The following KLF12 variants were observed in gnomAD, a reference collection of about 807,000 sequenced individuals.
KLF12 encodes the protein Krueppel-like factor 12.
A neutral mutation model predicts 37.8 loss-of-function variants in KLF12; 9 were observed. The ratio of observed to expected loss-of-function variants is 0.24; its 90% CI spans 0.14 to 0.42. The LOEUF (loss-of-function observed/expected upper bound fraction) is 0.42. Ranked by LOEUF, KLF12 falls within the 10% of genes least tolerant of loss-of-function variation. The pLI is 1.00. For missense variants in KLF12, 411 were observed against 516.0 expected, an observed-to-expected ratio of 0.80 and a Z score of 1.97; for synonymous variants, 208 against 202.1, an observed-to-expected ratio of 1.03 and a Z score of -0.25.
chr13:73,788,454 T>C (rs955104579), intron 5 of KLF12, among the ~76,000 whole-genome samples: 4 of 152,160 alleles, frequency 2.6e-5, no homozygotes, highest in African/African-American at 9.7e-5. Flanking sequence ...TAAATATACC[T>C]ACCTCTCAAA....
chr13:74,068,992 T>C (rs1167237630), intron 1 of KLF12, among the ~76,000 whole-genome samples: 1 of 152,226 alleles, frequency 6.6e-6, no homozygotes, highest in Non-Finnish European at 1.5e-5. Context: ...TCATGTCTTC[T>C]ATGTGCCAGG....
rs138561786 is a variant in KLF12 at position 73,912,759 on chromosome 13, G to A, written c.123+31222C>T. 9.6e-4 allele frequency among the ~76,000 whole-genome samples: 146 copies of A among 152,260 alleles called. 1 individual carries two copies. The East Asian group carries it at 0.024, about 25-fold the overall frequency. Reference sequence around the variant, plus strand: ...GCAGCTCTTAGGAAGCTTATACATAGGCTAACTCACACACCAGAGTTCTTT... The same window carrying A: ...GCAGCTCTTAGGAAGCTTATACATAAGCTAACTCACACACCAGAGTTCTTT... On this transcript the variant is annotated intron_variant, in intron 3 of 7. Transcript: ENST00000377669.
chr13:73,974,312 A>C (rs1007015128), intron 2 of KLF12, among the ~76,000 whole-genome samples: 4 of 151,236 alleles, frequency 2.6e-5, no homozygotes, highest in African/African-American at 9.7e-5. Flanking sequence ...CTTCAAGACA[A>C]AAAAAAAAGA....
At chr13:73,782,988 C>A (rs1167322065) in intron 5 of KLF12, among the ~76,000 whole-genome samples, 1 of 152,178 alleles carries the variant, frequency 6.6e-6, no homozygotes, top group Non-Finnish European at 1.5e-5. Context: ...CCTTGAAATT[C>A]CCATCCTCTT....
At chr13:73,948,708 CA>C (rs1438686571) in intron 2 of KLF12, among the ~76,000 whole-genome samples, 1 of 152,182 alleles carries the variant, frequency 6.6e-6, no homozygotes, top group Non-Finnish European at 1.5e-5. Context: ...CCAATAACAG[CA>C]ATTTTTTTCA....
chr13:73,729,287 G>A (rs1876886730), intron 6 of KLF12, among the ~76,000 whole-genome samples: 1 of 152,196 alleles, frequency 6.6e-6, no homozygotes, highest in Admixed American at 6.5e-5. Flanking sequence ...ACTGTCTAAA[G>A]TTCTCAGGAT....
the KLF12 span, among the ~76,000 whole-genome samples, chr13:74,290,904 A>G: frequency 6.6e-6 from 1 of 152,270 alleles, no homozygotes; most frequent in South Asian, 2.1e-4. Flanking sequence ...GTTAAAATAA[A>G]TGAACAAACA....
intron 1 of KLF12, among the ~76,000 whole-genome samples, chr13:74,131,382 G>C (rs989081304): frequency 1.3e-5 from 2 of 152,194 alleles, no homozygotes; most frequent in Non-Finnish European, 2.9e-5. Context: ...TTTGGCCTGG[G>C]GAGAGTGAGT....
chr13:74,175,738 T>C, the KLF12 span, among the ~76,000 whole-genome samples: 126 of 152,298 alleles, frequency 8.3e-4, no homozygotes, highest in Middle Eastern at 3.4e-3. Flanking sequence ...AGTTTACATA[T>C]GAATGTGGAG....
At chr13:73,816,347 GGA>G (rs1393407691) in intron 4 of KLF12, among the ~76,000 whole-genome samples, 1 of 152,142 alleles carries the variant, frequency 6.6e-6, no homozygotes, top group African/African-American at 2.4e-5. Context: ...TAAGAGAACA[GGA>G]GATGATCTAT....
chr13:74,303,062 C>T, the KLF12 span, among the ~76,000 whole-genome samples: 2 of 151,966 alleles, frequency 1.3e-5, no homozygotes, highest in African/African-American at 2.4e-5. Flanking sequence ...ATTGTTATAC[C>T]AGGACAAGAG....
chr13:74,239,770 C>CTT, the KLF12 span, among the ~76,000 whole-genome samples: 2 of 150,752 alleles, frequency 1.3e-5, no homozygotes. Flanking sequence ...CAACCCCTGC[C>CTT]TTTTTTTTTG....
intron 6 of KLF12, among the ~76,000 whole-genome samples, chr13:73,750,732 C>G (rs1246853109): frequency 1.5e-5 from 2 of 135,718 alleles, no homozygotes; most frequent in Non-Finnish European, 3.1e-5. Context: ...ATCAACCCAT[C>G]ACCTAGGTAT....
rs1189484801 is a variant in KLF12 at position 74,041,078 on chromosome 13, A to T, written c.-31-46025T>A. Among the ~76,000 whole-genome samples, 3 of 152,158 alleles carry T rather than the reference A, an allele frequency of 2.0e-5. No individual in the cohort carries two copies. In the East Asian group the frequency reaches 5.8e-4, roughly 29 times the overall value. ...AACATCTCCAAAATTCTTTCTCCCC[A>T]CAAAGATATCTTAGCTGACAACCAC... is the stretch of plus-strand genomic sequence containing the variant. On this transcript the variant is annotated intron_variant, in intron 1 of 7. Coordinates refer to ENST00000377669, the MANE Select transcript of KLF12 (RefSeq NM_007249.5).
At chr13:73,799,137 T>C (rs1046328023) in intron 5 of KLF12, among the ~76,000 whole-genome samples, 1 of 152,228 alleles carries the variant, frequency 6.6e-6, no homozygotes, top group African/African-American at 2.4e-5. Context: ...GAGGTCATTA[T>C]TCCCAGCAAA....
At chr13:74,172,940 C>A in the KLF12 span, among the ~76,000 whole-genome samples, 3 of 152,172 alleles carry the variant, frequency 2.0e-5, no homozygotes, top group Admixed American at 6.5e-5. Context: ...AAAGTGCCCA[C>A]GTCTACATGA....
At chr13:73,736,727 G>A (rs2137847970) in intron 6 of KLF12, among the ~76,000 whole-genome samples, 2 of 152,228 alleles carry the variant, frequency 1.3e-5, no homozygotes, top group Middle Eastern at 6.8e-3. Context: ...AGGGTTAATG[G>A]GGTATGTTGT....
At chr13:73,948,551 G>C (rs1225748957) in intron 2 of KLF12, among the ~76,000 whole-genome samples, 1 of 152,184 alleles carries the variant, frequency 6.6e-6, no homozygotes, top group African/African-American at 2.4e-5. Flanking sequence ...ATGCAAGAGT[G>C]CCAACTGGTT....
chr13:73,972,931 G>A (rs545275915), intron 2 of KLF12, among the ~76,000 whole-genome samples: 69 of 151,828 alleles, frequency 4.5e-4, no homozygotes, highest in East Asian at 1.4e-3. Flanking sequence ...TGTATCTATC[G>A]TATAAACACT....
Sources: allele counts gnomAD v4.1 joint callset (sites outside exome capture counted in the v4.1 genomes callset), GRCh38; gene constraint gnomAD v4.1.1; transcripts MANE v1.5; gene names NCBI Gene and HGNC (gene_info 2026-07-23, HGNC 2026-07-21).